Variants in DCC observed in about 807,000 individuals in gnomAD.
The protein encoded by DCC is netrin receptor DCC.
Under a neutral mutation model 172.5 loss-of-function variants are expected in DCC, and 58 were observed. The ratio of observed to expected loss-of-function variants is 0.34; its 90% CI spans 0.27 to 0.42. DCC has a LOEUF of 0.42. DCC is among the 10% of genes least tolerant of loss of function. The probability of loss-of-function intolerance (pLI) is 1.00; values close to 1 mark genes in which losing one functional copy is unlikely to be tolerated. For missense variants in DCC, 1,740 were observed against 1,791.0 expected, an observed-to-expected ratio of 0.97 and a Z score of 0.51; for synonymous variants, 709 against 644.5, an observed-to-expected ratio of 1.10 and a Z score of -1.52.
chr18:52,468,234 A>G (rs1016907450), intron 1 of DCC, among the ~76,000 whole-genome samples: 1 of 152,232 alleles, frequency 6.6e-6, no homozygotes, highest in African/African-American at 2.4e-5. Context: ...ATAAAACAGA[A>G]TACAGAGCAG....
rs138990076 is a variant in DCC at position 53,507,182 on chromosome 18, ATCTTTAAAGT to A, written c.4111+7677_4111+7686del. On this transcript the variant is annotated intron_variant, in intron 27 of 28. Transcript: ENST00000442544. ...TTTAAGTATTCTAAGTAGTTGACAG[ATCTTTAAAGT>A]TCTTCAATGAGCATCAAGTTACAGT... Among the ~76,000 whole-genome samples, 1,477 of 152,312 alleles carry A rather than the reference ATCTTTAAAGT, an allele frequency of 9.7e-3. 15 individuals are homozygous for A. Among genetic ancestry groups the A allele is most frequent in the Non-Finnish European group, 0.016 (1,101 of 68,012 alleles).
At chr18:53,507,578 C>T (rs992172103) in intron 27 of DCC, among the ~76,000 whole-genome samples, 3 of 152,114 alleles carry the variant, frequency 2.0e-5, no homozygotes, top group East Asian at 1.9e-4. Flanking sequence ...CCTTATTTAC[C>T]GGAATATCAA....
chr18:53,112,708 C>T (rs1435720583), intron 7 of DCC, among the ~76,000 whole-genome samples: 3 of 151,374 alleles, frequency 2.0e-5, no homozygotes, highest in African/African-American at 7.3e-5. Context: ...TATTTTACTT[C>T]CCACCATAGA....
At chr18:53,274,982 ACT>A (rs368586061) in intron 12 of DCC, among the ~76,000 whole-genome samples, 126 of 152,240 alleles carry the variant, frequency 8.3e-4, no homozygotes, top group Middle Eastern at 6.8e-3. Flanking sequence ...TTCAACTATA[ACT>A]CTCAAATCTT....
At chr18:52,837,654 C>G (rs905281929) in intron 2 of DCC, among the ~76,000 whole-genome samples, 1 of 152,152 alleles carries the variant, frequency 6.6e-6, no homozygotes, top group Non-Finnish European at 1.5e-5. Context: ...CAAACTTTCC[C>G]ATATTTTCCT....
At chr18:52,671,632 C>T (rs1363565522) in intron 1 of DCC, among the ~76,000 whole-genome samples, 3 of 151,450 alleles carry the variant, frequency 2.0e-5, no homozygotes. Context: ...CTCCGCCTCC[C>T]AGGTTCAAAC....
chr18:52,831,278 G>A (rs569279428), intron 2 of DCC, among the ~76,000 whole-genome samples: 1 of 152,238 alleles, frequency 6.6e-6, no homozygotes, highest in South Asian at 2.1e-4. Context: ...TTAGAAGTGA[G>A]AGCCAGACCA....
chr18:52,882,173 G>A (rs1039597141), intron 2 of DCC, among the ~76,000 whole-genome samples: 5 of 151,990 alleles, frequency 3.3e-5, no homozygotes, highest in African/African-American at 1.2e-4. Flanking sequence ...GTGTTTATCA[G>A]TTCTAATAGT....
intron 17 of DCC, among the ~76,000 whole-genome samples, chr18:53,393,939 A>G (rs765808084): frequency 5.7e-5 from 6 of 105,436 alleles, no homozygotes; most frequent in Non-Finnish European, 1.2e-4. Context: ...CCCTCCCCCT[A>G]TATATCCATA....
intron 2 of DCC, among the ~76,000 whole-genome samples, chr18:52,875,729 T>A (rs1312304825): frequency 6.6e-6 from 1 of 152,226 alleles, no homozygotes; most frequent in Non-Finnish European, 1.5e-5. Flanking sequence ...AGTTCTGTTG[T>A]CACTGCTATA....
intron 7 of DCC, among the ~76,000 whole-genome samples, chr18:53,157,147 AC>A (rs1287957919): frequency 1.5e-4 from 23 of 152,304 alleles, no homozygotes; most frequent in African/African-American, 5.5e-4. Context: ...GGAATTGTAT[AC>A]ATGTCATTAG....
rs1220620096 is a variant in DCC, at chr18:52,340,802, T to A, written c.15T>A (p.Leu5=). MENS[L]RCVWVPKLAF... Reference sequence around the variant, plus strand: ...TTGGCTGAAATATGGAGAATAGTCTTAGATGTGTTTGGGTACCCAAGCTGG... The same window carrying A: ...TTGGCTGAAATATGGAGAATAGTCTAAGATGTGTTTGGGTACCCAAGCTGG... The change falls in exon 1 of 29, where the codon CTT becomes CTA. Residue 5 remains leucine, a synonymous_variant. Transcript: ENST00000442544. 6.2e-7 allele frequency: 1 copy of A among 1,614,000 alleles called. No individual in the cohort carries two copies. The highest frequency in any genetic ancestry group is 1.3e-5 in the African/African-American group (1 of 75,032).
chr18:53,163,966 A>T (rs1360460056), intron 8 of DCC, among the ~76,000 whole-genome samples: 1 of 152,200 alleles, frequency 6.6e-6, no homozygotes, highest in Non-Finnish European at 1.5e-5. Context: ...GTTTACCAAG[A>T]TGAGACTTAA....
intron 12 of DCC, among the ~76,000 whole-genome samples, chr18:53,288,579 A>G (rs2056962542): frequency 6.6e-6 from 1 of 152,070 alleles, no homozygotes; most frequent in Admixed American, 6.6e-5. Flanking sequence ...TGCAGATATA[A>G]TTTTAAGTAG....
At chr18:53,199,918 A>C (rs2055509379) in intron 9 of DCC, among the ~76,000 whole-genome samples, 1 of 152,194 alleles carries the variant, frequency 6.6e-6, no homozygotes, top group South Asian at 2.1e-4. Flanking sequence ...CATAAAATAA[A>C]TTTTACAACG....
chr18:52,878,058 C>T (rs1461956097), intron 2 of DCC, among the ~76,000 whole-genome samples: 1 of 151,980 alleles, frequency 6.6e-6, no homozygotes, highest in African/African-American at 2.4e-5. Flanking sequence ...CACTGGCTTC[C>T]TCCTCCCTCC....
rs1163450249 is a variant in DCC, at chr18:53,486,977, T to C, written c.3898+19T>C. 10 of 1,613,820 alleles carry C rather than the reference T, an allele frequency of 6.2e-6. No homozygotes were observed. The highest frequency in any genetic ancestry group is 8.5e-6 in the Non-Finnish European group (10 of 1,179,946). Reference sequence around the variant, plus strand: ...AGTCAGTGTAATGCATTTTCCTCTCTTTTTAATAAGCACAAATGAATAATA... The same window carrying C: ...AGTCAGTGTAATGCATTTTCCTCTCCTTTTAATAAGCACAAATGAATAATA... On this transcript the variant is annotated intron_variant, in intron 26 of 28. Transcript: ENST00000442544.
At chr18:53,267,788 G>T (rs2056699802) in intron 12 of DCC, among the ~76,000 whole-genome samples, 1 of 152,138 alleles carries the variant, frequency 6.6e-6, no homozygotes, top group Admixed American at 6.6e-5. Context: ...TTGTTAATGA[G>T]AAATGGTCAG....
chr18:52,610,160 AAAAAAAAAAAAAAAAAAAATATATAT>A (rs2034224149), intron 1 of DCC, among the ~76,000 whole-genome samples: 1 of 11,518 alleles, frequency 8.7e-5, no homozygotes, highest in Non-Finnish European at 1.5e-4. Context: ...ATAAAAAAAA[AAAAAAAAAAAAAAAAAAAATATATAT>A]ATATATATAT....
Sources: allele counts gnomAD v4.1 joint callset (sites outside exome capture counted in the v4.1 genomes callset), GRCh38; gene constraint gnomAD v4.1.1; transcripts MANE v1.5; gene names NCBI Gene and HGNC (gene_info 2026-07-23, HGNC 2026-07-21).